SLC24A4: variants seen among roughly 807,000 people sequenced by gnomAD.
The protein encoded by SLC24A4 is solute carrier family 24 member 4.
In SLC24A4, 53 loss-of-function variants were observed where a neutral mutation model predicts 79.0. The observed-to-expected ratio is 0.67, with a 90% CI of 0.54 to 0.84. The LOEUF is 0.84. Among genes scored for constraint, SLC24A4 ranks in the 40% least tolerant of loss-of-function variants. The probability of loss-of-function intolerance (pLI) is 0.00; values close to 1 mark genes in which losing one functional copy is unlikely to be tolerated. For synonymous variants in SLC24A4, 323 were observed against 323.8 expected (o/e 1.00, Z 0.03); for missense variants, 731 against 822.0 (o/e 0.89, Z 1.35).
At chr14:92,393,499 C>A (rs1353598817) in intron 2 of SLC24A4, among the ~76,000 whole-genome samples, 3 of 151,132 alleles carry the variant, frequency 2.0e-5, no homozygotes, top group African/African-American at 7.3e-5. Flanking sequence ...GGTCGCACAT[C>A]CAAGGAAATG....
chr14:92,477,996 AG>A (rs1158954314), intron 12 of SLC24A4, among the ~76,000 whole-genome samples: 1 of 150,512 alleles, frequency 6.6e-6, no homozygotes, highest in Non-Finnish European at 1.5e-5. Context: ...TAGTAGAGAC[AG>A]GGTTTCACCA....
At chr14:92,344,209 C>G (rs958979091) in intron 2 of SLC24A4, among the ~76,000 whole-genome samples, 3 of 152,246 alleles carry the variant, frequency 2.0e-5, no homozygotes, top group Non-Finnish European at 2.9e-5. Context: ...CTGTGTGTTT[C>G]TGCCAGCTCT....
intron 12 of SLC24A4, among the ~76,000 whole-genome samples, chr14:92,474,769 ATGTGTG>A (rs1179289365): frequency 8.3e-6 from 1 of 120,856 alleles, no homozygotes; most frequent in East Asian, 2.2e-4. Context: ...ATACGTATAT[ATGTGTG>A]TATATATATG....
At chr14:92,343,428 G>A (rs1343345321) in intron 2 of SLC24A4, among the ~76,000 whole-genome samples, 1 of 152,134 alleles carries the variant, frequency 6.6e-6, no homozygotes, top group African/African-American at 2.4e-5. Context: ...ACTCAGTCAT[G>A]GTTACTTTTG....
At chr14:92,330,419 T>G (rs979792915) in intron 2 of SLC24A4, among the ~76,000 whole-genome samples, 5 of 152,350 alleles carry the variant, frequency 3.3e-5, no homozygotes, top group Admixed American at 2.0e-4. Flanking sequence ...TCCCTAGAGA[T>G]CTGAAGGCAA....
At chr14:92,468,664 TC>T (rs1245985127) in intron 12 of SLC24A4, among the ~76,000 whole-genome samples, 6 of 152,216 alleles carry the variant, frequency 3.9e-5, no homozygotes, top group Non-Finnish European at 8.8e-5. Flanking sequence ...GAAATAATAC[TC>T]TTTTCAACAA....
At chr14:92,370,580 CAAAA>C (rs1888096268) in intron 2 of SLC24A4, among the ~76,000 whole-genome samples, 1 of 136,180 alleles carries the variant, frequency 7.3e-6, no homozygotes, top group African/African-American at 3.3e-5. Flanking sequence ...TTTATTAAAA[CAAAA>C]GAAGGAGAGA....
At chr14:92,469,098 T>C (rs903134187) in intron 12 of SLC24A4, among the ~76,000 whole-genome samples, 1 of 152,128 alleles carries the variant, frequency 6.6e-6, no homozygotes, top group Non-Finnish European at 1.5e-5. Context: ...GATATCATGA[T>C]GAGATGCCAT....
chr14:92,394,698 C>A (rs80096528), intron 2 of SLC24A4, among the ~76,000 whole-genome samples: 2 of 152,304 alleles, frequency 1.3e-5, no homozygotes, highest in East Asian at 3.9e-4. Context: ...AAAAAGGAGC[C>A]TAGGACTGGG....
intron 2 of SLC24A4, among the ~76,000 whole-genome samples, chr14:92,417,634 G>A (rs1891052226): frequency 6.6e-6 from 1 of 152,220 alleles, no homozygotes; most frequent in South Asian, 2.1e-4. Context: ...CTCACCCAGA[G>A]CAACATCCAG....
chr14:92,493,442 C>T, intron 16 of SLC24A4, 34 bp from the exon 17 acceptor site: 2 of 1,611,584 alleles, frequency 1.2e-6, no homozygotes, highest in Non-Finnish European at 1.7e-6. Flanking sequence ...TTTCTTTGCC[C>T]TGCAAGCCCA....
At chr14:92,324,148 C>G (rs563349468) in intron 1 of SLC24A4, among the ~76,000 whole-genome samples, 188 bp downstream of exon 1, 3 of 152,268 alleles carry the variant, frequency 2.0e-5, no homozygotes, top group Non-Finnish European at 4.4e-5. Flanking sequence ...GCTGTGGCGC[C>G]GGTTCCCCTG....
intron 2 of SLC24A4, among the ~76,000 whole-genome samples, chr14:92,408,202 T>TGTGTGTG (rs33968349): frequency 4.6e-5 from 7 of 151,536 alleles, no homozygotes; most frequent in Non-Finnish European, 7.4e-5. Flanking sequence ...TGTGTGTGTG[T>TGTGTGTG]TTCACATCCA....
intron 12 of SLC24A4, among the ~76,000 whole-genome samples, chr14:92,474,215 G>A (rs1894588588): frequency 6.6e-6 from 1 of 152,194 alleles, no homozygotes. Flanking sequence ...CATTATGTGG[G>A]ATTTTAAAAA....
At chr14:92,433,834 G>A in intron 2 of SLC24A4, 78 bp from the exon 3 acceptor site, 1 of 1,249,542 alleles carries the variant, frequency 8.0e-7, no homozygotes, top group Non-Finnish European at 1.2e-6. Context: ...GTTCCTTAGT[G>A]AACTCTCAGA....
intron 2 of SLC24A4, among the ~76,000 whole-genome samples, chr14:92,381,290 A>T (rs911499835): frequency 1.3e-5 from 2 of 152,196 alleles, no homozygotes; most frequent in Non-Finnish European, 2.9e-5. Context: ...AGGGACATGG[A>T]TGAAGCTGGA....
chr14:92,358,226 C>A (rs1887289573), intron 2 of SLC24A4, among the ~76,000 whole-genome samples: 1 of 152,084 alleles, frequency 6.6e-6, no homozygotes, highest in Non-Finnish European at 1.5e-5. Context: ...TCAGATAGGC[C>A]AGTTAAATGC....
chr14:92,327,837 G>C (rs1193502761), intron 2 of SLC24A4, among the ~76,000 whole-genome samples: 5 of 152,200 alleles, frequency 3.3e-5, no homozygotes, highest in Admixed American at 3.3e-4. Context: ...TTTGTGGAAA[G>C]GGAAGTGGAG....
intron 1 of SLC24A4, 73 bp from the exon 2 acceptor site, chr14:92,325,795 A>G: frequency 1.1e-6 from 1 of 874,442 alleles, no homozygotes; most frequent in Admixed American, 2.1e-5. Context: ...ATAGACACAC[A>G]AATGTAAGGT....
Sources: gnomAD v4.1 joint callset for allele counts (sites outside exome capture counted in the v4.1 genomes callset) on GRCh38, gnomAD v4.1.1 for gene constraint, MANE v1.5 for transcripts, NCBI Gene and HGNC (gene_info 2026-07-23, HGNC 2026-07-21) for gene names.